Variants in GLIS3 observed in about 807,000 individuals in gnomAD.
GLIS3 encodes the protein GLIS family zinc finger 3.
In GLIS3, 53 loss-of-function variants were observed where a neutral mutation model predicts 78.6. The ratio of observed to expected loss-of-function variants is 0.67; its 90% CI spans 0.54 to 0.85. The LOEUF is 0.85. GLIS3 is among the 40% of genes least tolerant of loss of function. The pLI, the probability that GLIS3 is intolerant of heterozygous loss-of-function variation, is 0.00. For synonymous variants in GLIS3, 684 were observed against 509.9 expected (o/e 1.34, Z -4.60); for missense variants, 1,703 against 1,231.1 (o/e 1.38, Z -5.74).
chr9:4,011,108 A>C (rs921100621), intron 4 of GLIS3, among the ~76,000 whole-genome samples: 8 of 152,180 alleles, frequency 5.3e-5, no homozygotes, highest in Non-Finnish European at 8.8e-5. Context: ...TGAGGTTCTG[A>C]AACACCCTAT....
chr9:4,096,219 GT>G (rs1179198526), intron 4 of GLIS3, among the ~76,000 whole-genome samples: 2 of 152,082 alleles, frequency 1.3e-5, no homozygotes, highest in East Asian at 3.8e-4. Flanking sequence ...TTTCTACATA[GT>G]GCTAAAATAA....
chr9:3,873,665 TA>T (rs1256077122), intron 8 of GLIS3, among the ~76,000 whole-genome samples: 5 of 150,896 alleles, frequency 3.3e-5, no homozygotes, highest in African/African-American at 1.2e-4. Context: ...AAAATAAAGA[TA>T]AAAAATAAAG....
chr9:3,929,020 C>G (rs749644688), intron 6 of GLIS3, among the ~76,000 whole-genome samples: 4 of 152,158 alleles, frequency 2.6e-5, no homozygotes, highest in Non-Finnish European at 5.9e-5. Flanking sequence ...AGGAAAATTT[C>G]AAGTGGCTTA....
chr9:3,846,385 A>G (rs776869196), intron 9 of GLIS3, among the ~76,000 whole-genome samples: 5 of 152,114 alleles, frequency 3.3e-5, no homozygotes, highest in Non-Finnish European at 7.3e-5. Context: ...CCATTGTCTC[A>G]CCTGGGAGGT....
chr9:4,233,487 G>A (rs973952061), intron 2 of GLIS3, among the ~76,000 whole-genome samples: 6 of 152,166 alleles, frequency 3.9e-5, no homozygotes, highest in African/African-American at 1.4e-4. Context: ...TATTTTGAAG[G>A]AAATCTTTCT....
chr9:4,189,763 T>A (rs1296893496), intron 2 of GLIS3, among the ~76,000 whole-genome samples: 2 of 152,216 alleles, frequency 1.3e-5, no homozygotes, highest in Non-Finnish European at 2.9e-5. Context: ...CTTCTTTGTC[T>A]CTTTTGATCT....
intron 4 of GLIS3, among the ~76,000 whole-genome samples, chr9:4,111,165 ATTCT>A (rs762833487): frequency 2.0e-5 from 3 of 152,338 alleles, no homozygotes; most frequent in Non-Finnish European, 2.9e-5. Flanking sequence ...GATGTACATA[ATTCT>A]TTCTAATTTT....
At chr9:4,296,980 G>A (rs947897134) in intron 1 of GLIS3, among the ~76,000 whole-genome samples, 1 of 149,656 alleles carries the variant, frequency 6.7e-6, no homozygotes, top group Non-Finnish European at 1.5e-5. Context: ...TTCTCAGAAC[G>A]ACCTTCATCG....
At chr9:4,357,841 T>C in the GLIS3 span, among the ~76,000 whole-genome samples, 27 of 152,328 alleles carry the variant, frequency 1.8e-4, no homozygotes, top group Non-Finnish European at 3.4e-4. Context: ...ACCATTCCCA[T>C]TGAATCTGTG....
intron 4 of GLIS3, among the ~76,000 whole-genome samples, chr9:4,087,257 T>C (rs762575644): frequency 6.6e-6 from 1 of 152,204 alleles, no homozygotes; most frequent in Non-Finnish European, 1.5e-5. Flanking sequence ...TGTTTTTTCA[T>C]CCCTTATTTA....
chr9:3,845,071 ATG>A (rs35747567), intron 9 of GLIS3, among the ~76,000 whole-genome samples: 68,721 of 151,228 alleles, frequency 0.45, 15,881 homozygotes, highest in Middle Eastern at 0.58. Context: ...ATATATATAT[ATG>A]TGTGTGTGTG....
At chr9:3,974,510 C>G (rs1298775097) in intron 4 of GLIS3, among the ~76,000 whole-genome samples, 1 of 152,120 alleles carries the variant, frequency 6.6e-6, no homozygotes, top group African/African-American at 2.4e-5. Flanking sequence ...TGACTGGGAG[C>G]AGAAAACTAT....
At chr9:3,978,628 G>A (rs144859732) in intron 4 of GLIS3, among the ~76,000 whole-genome samples, 4,064 of 150,690 alleles carry the variant, frequency 0.027, 105 homozygotes, top group African/African-American at 0.056. Flanking sequence ...GTATATGTGT[G>A]TATATATATA....
chr9:4,072,719 T>C (rs1827714214), intron 4 of GLIS3, among the ~76,000 whole-genome samples: 1 of 150,168 alleles, frequency 6.7e-6, no homozygotes, highest in African/African-American at 2.5e-5. Context: ...CATGACAGGG[T>C]ATTGGCTTTC....
At chr9:4,228,196 G>T (rs1005061535) in intron 2 of GLIS3, among the ~76,000 whole-genome samples, 1 of 86,464 alleles carries the variant, frequency 1.2e-5, no homozygotes, top group Non-Finnish European at 2.1e-5. Context: ...AGTCTAAGGT[G>T]GCAAAAAAAA....
the GLIS3 span, among the ~76,000 whole-genome samples, chr9:4,409,399 A>C: frequency 6.6e-6 from 1 of 152,208 alleles, no homozygotes; most frequent in African/African-American, 2.4e-5. Context: ...AGATATTACT[A>C]TAATATACTT....
intron 9 of GLIS3, among the ~76,000 whole-genome samples, chr9:3,834,132 T>C (rs1408049514): frequency 6.6e-6 from 1 of 152,224 alleles, no homozygotes; most frequent in Non-Finnish European, 1.5e-5. Context: ...TCATTCATTC[T>C]TAGAAGGCTT....
chr9:4,327,465 G>A (rs781094995), intron 2 of GLIS3, among the ~76,000 whole-genome samples: 6 of 152,092 alleles, frequency 3.9e-5, no homozygotes, highest in Non-Finnish European at 7.4e-5. Context: ...AGGGTGGAGG[G>A]TGCACTAGGG....
intron 2 of GLIS3, among the ~76,000 whole-genome samples, chr9:4,159,156 C>A (rs188118171): frequency 1.3e-5 from 2 of 152,098 alleles, no homozygotes; most frequent in African/African-American, 4.8e-5. Flanking sequence ...GAGAACAGGG[C>A]CTGTATATTA....
Sources: gnomAD v4.1 joint callset for allele counts (sites outside exome capture counted in the v4.1 genomes callset) on GRCh38, gnomAD v4.1.1 for gene constraint, MANE v1.5 for transcripts, NCBI Gene and HGNC (gene_info 2026-07-23, HGNC 2026-07-21) for gene names.